The following CDC5L variants were observed in gnomAD, a reference collection of about 807,000 sequenced individuals.
The protein encoded by CDC5L is cell division cycle 5 like.
A neutral mutation model predicts 104.1 loss-of-function variants in CDC5L; 18 were observed. The ratio of observed to expected loss-of-function variants is 0.17; its 90% CI spans 0.12 to 0.26. CDC5L has a LOEUF of 0.26. Ranked by LOEUF, CDC5L falls within the 10% of genes least tolerant of loss-of-function variation. The pLI is 1.00. For missense variants in CDC5L, 673 were observed against 956.9 expected, an observed-to-expected ratio of 0.70 and a Z score of 3.91; for synonymous variants, 331 against 322.7, an observed-to-expected ratio of 1.03 and a Z score of -0.28.
chr6:44,443,080 T>C (rs563730009), intron 14 of CDC5L, among the ~76,000 whole-genome samples: 2 of 151,980 alleles, frequency 1.3e-5, no homozygotes, highest in Non-Finnish European at 2.9e-5. Flanking sequence ...GTCCTGTCCC[T>C]GTCTCTCTTT....
At chr6:44,415,082 AC>A (rs1791848578) in intron 8 of CDC5L, among the ~76,000 whole-genome samples, 1 of 152,104 alleles carries the variant, frequency 6.6e-6, no homozygotes, top group Non-Finnish European at 1.5e-5. Context: ...AAATCAATTG[AC>A]CATTAATGTA....
intron 13 of CDC5L, among the ~76,000 whole-genome samples, chr6:44,427,641 A>G (rs768364482): frequency 6.6e-6 from 1 of 152,194 alleles, no homozygotes; most frequent in Non-Finnish European, 1.5e-5. Context: ...TTATATTTCA[A>G]TAACTTGTCC....
chr6:44,427,545 T>G (rs1221585798), intron 13 of CDC5L, among the ~76,000 whole-genome samples: 1 of 152,238 alleles, frequency 6.6e-6, no homozygotes, highest in Non-Finnish European at 1.5e-5. Context: ...TCACAATTTC[T>G]TACTTTGTGT....
intron 14 of CDC5L, among the ~76,000 whole-genome samples, chr6:44,433,795 C>T (rs1264414056): frequency 6.6e-6 from 1 of 152,156 alleles, no homozygotes; most frequent in Non-Finnish European, 1.5e-5. Context: ...GGTTATATTT[C>T]TGCAAAATTG....
chr6:44,425,915 A>G (rs374591307), intron 11 of CDC5L, among the ~76,000 whole-genome samples, 188 bp from the exon 12 acceptor site: 5 of 152,104 alleles, frequency 3.3e-5, no homozygotes, highest in African/African-American at 7.2e-5. Flanking sequence ...CTTAGTTTCT[A>G]TTATAATGAG....
At chr6:44,421,043 T>A (rs553418289) in intron 9 of CDC5L, among the ~76,000 whole-genome samples, 1 of 152,322 alleles carries the variant, frequency 6.6e-6, no homozygotes, top group East Asian at 1.9e-4. Flanking sequence ...GAATAAACTC[T>A]TTGTTTTGGA....
In CDC5L at chr6:44,429,374, T is replaced by C. The variant is rs572407537; in HGVS notation, c.1894-339T>C. ...TATTGGCTAATTTGTAAGGTGATTA[T>C]GATCTTTGGATATAATGTAGGTAAA... is the stretch of plus-strand genomic sequence containing the variant. On this transcript the variant is annotated intron_variant, in intron 13 of 15. Coordinates refer to ENST00000371477, the MANE Select transcript of CDC5L (RefSeq NM_001253.4). Among the ~76,000 whole-genome samples, 25 of 152,322 alleles carry C rather than the reference T, an allele frequency of 1.6e-4. No homozygotes were observed. In the South Asian group the frequency reaches 5.2e-3, roughly 32 times the overall value.
chr6:44,429,821 G>A lies in CDC5L; in HGVS notation c.2002G>A (p.Val668Ile). The change falls in exon 14 of 16, where the codon GTT (valine) becomes ATT (isoleucine). Residue 668 changes from valine to isoleucine, a missense_variant. This residue lies in a region of CDC5L where 578 missense variants were observed against 737.0 expected (regional missense o/e 0.78). Transcript: ENST00000371477. Reference sequence around the variant, plus strand: ...GGTGTGGGAAGAATGCTACAGTCAAGTTTTATATCTTCCTGGGCAGAGCCG... The same window carrying A: ...GGTGTGGGAAGAATGCTACAGTCAAATTTTATATCTTCCTGGGCAGAGCCG... The part of the protein sequence containing the change: ...NQVWEECYSQ[V>I]LYLPGQSRYT... 1.2e-6 allele frequency: 2 copies of A among 1,614,104 alleles called. No homozygotes were observed. The highest frequency in any genetic ancestry group is 8.5e-7 in the Non-Finnish European group (1 of 1,179,962).
chr6:44,405,931 T>G (rs1352345630), intron 6 of CDC5L, among the ~76,000 whole-genome samples: 1 of 152,068 alleles, frequency 6.6e-6, no homozygotes, highest in Non-Finnish European at 1.5e-5. Flanking sequence ...AGATGGAGTC[T>G]TTCTCTATTG....
chr6:44,421,650 TCAAA>T (rs777054532), intron 9 of CDC5L, among the ~76,000 whole-genome samples: 63 of 152,048 alleles, frequency 4.1e-4, no homozygotes, highest in Non-Finnish European at 7.4e-4. Flanking sequence ...TCCAAAAAAC[TCAAA>T]CAGTACAACA....
chr6:44,402,786 A>G (rs1394431178), intron 5 of CDC5L, among the ~76,000 whole-genome samples: 3 of 152,204 alleles, frequency 2.0e-5, no homozygotes, highest in Non-Finnish European at 4.4e-5. Context: ...TAAACTTTCT[A>G]ACATTTTTTA....
chr6:44,424,151 A>G (rs1263389530), intron 10 of CDC5L, among the ~76,000 whole-genome samples: 1 of 152,076 alleles, frequency 6.6e-6, no homozygotes, highest in African/African-American at 2.4e-5. Context: ...TTGTGGATAC[A>G]TAGTAGGTGT....
rs1299635152 is a variant in CDC5L at position 44,401,877 on chromosome 6, T to G, written c.540-1932T>G. ...TGTCCATGTGTTCTCATTGTTCAGTTCCCACCTATGAGTGAGAATATGCGG... is the reference window on the plus strand; with the variant it reads ...TGTCCATGTGTTCTCATTGTTCAGTGCCCACCTATGAGTGAGAATATGCGG... On this transcript the variant is annotated intron_variant, in intron 5 of 15. Coordinates refer to ENST00000371477, the MANE Select transcript of CDC5L (RefSeq NM_001253.4). 8.9e-4 allele frequency among the ~76,000 whole-genome samples: 131 copies of G among 146,746 alleles called. 1 individual carries two copies. The East Asian group carries it at 0.021, about 24-fold the overall frequency.
At chr6:44,434,088 A>G (rs901737159) in intron 14 of CDC5L, among the ~76,000 whole-genome samples, 1 of 152,176 alleles carries the variant, frequency 6.6e-6, no homozygotes, top group Non-Finnish European at 1.5e-5. Flanking sequence ...TATGACCCTT[A>G]TAGGCACTGA....
intron 15 of CDC5L, 89 bp downstream of exon 15, chr6:44,445,956 C>T: frequency 2.0e-6 from 2 of 1,000,170 alleles, no homozygotes; most frequent in East Asian, 4.9e-5. Flanking sequence ...TGTAGACTGT[C>T]TCTGAAGTTG....
At chr6:44,430,488 G>A (rs544680312) in intron 14 of CDC5L, among the ~76,000 whole-genome samples, 1 of 149,124 alleles carries the variant, frequency 6.7e-6, no homozygotes, top group Admixed American at 6.8e-5. Flanking sequence ...AATATAGTTT[G>A]CATATTTTGA....
Position 44,446,748 on chromosome 6 carries a change from G to T in CDC5L, c.*37G>T. 9.6e-7 allele frequency: 1 copy of T among 1,045,474 alleles called. No individual in the cohort carries two copies. Among genetic ancestry groups the T allele is most frequent in the Non-Finnish European group, 1.4e-6 (1 of 695,392 alleles). 64.8% of individuals were successfully genotyped at this position (1,045,474 alleles called of 1,614,324 possible). ...TATTCTGTCACAGGATTAATTAATT[G>T]CCGGTTTTCATACTCTAGAAGGCTG... On this transcript the variant is annotated 3_prime_UTR_variant, in exon 16 of 16. Coordinates refer to ENST00000371477, the MANE Select transcript of CDC5L (RefSeq NM_001253.4).
intron 10 of CDC5L, among the ~76,000 whole-genome samples, chr6:44,423,227 T>A (rs1412997323): frequency 6.6e-6 from 1 of 152,194 alleles, no homozygotes; most frequent in African/African-American, 2.4e-5. Context: ...TAAAATTAAT[T>A]CTAACCTCAT....
rs1179824335 is a variant in CDC5L at position 44,404,022 on chromosome 6, A to G, written c.753A>G (p.Leu251=). Residue 251 remains leucine (L), a synonymous_variant, in exon 6 of 16, where the codon CTA becomes CTG. Coordinates refer to ENST00000371477, the MANE Select transcript of CDC5L (RefSeq NM_001253.4). The part of the protein sequence containing the change: ...KLRQQDLDGE[L]RSEKEGRDRK... ...GACAACAGGATCTTGATGGGGAGCT[A>G]AGATCGTAAGTTGCCTTTCTGATTT... is the stretch of plus-strand genomic sequence containing the variant. The G allele has an allele frequency of 6.2e-7, 1 of 1,603,674 alleles. No homozygotes were observed.
Sources: allele counts gnomAD v4.1 joint callset (sites outside exome capture counted in the v4.1 genomes callset), GRCh38; gene constraint gnomAD v4.1.1; regional missense constraint gnomAD v4.1.1; transcripts MANE v1.5; gene names NCBI Gene and HGNC (gene_info 2026-07-23, HGNC 2026-07-21).